Variants in SLC25A13 observed in about 807,000 individuals in gnomAD.
The protein encoded by SLC25A13 is electrogenic aspartate/glutamate antiporter SLC25A13, mitochondrial.
A neutral mutation model predicts 85.5 loss-of-function variants in SLC25A13; 70 were observed. The observed-to-expected ratio is 0.82, with a 90% CI of 0.68 to 1.00. The LOEUF (loss-of-function observed/expected upper bound fraction) is 1.00. Among genes scored for constraint, SLC25A13 ranks in the 50% least tolerant of loss-of-function variants. The pLI is 0.00. For synonymous variants in SLC25A13, 259 were observed against 288.7 expected (o/e 0.90, Z 1.04); for missense variants, 765 against 819.8 (o/e 0.93, Z 0.82).
chr7:96,164,478 C>A (rs149365437), intron 13 of SLC25A13, among the ~76,000 whole-genome samples: 1 of 152,128 alleles, frequency 6.6e-6, no homozygotes, highest in South Asian at 2.1e-4. Flanking sequence ...GGGTTTGTTA[C>A]ACAGCAATAG....
rs1182694291 is a variant in SLC25A13, at chr7:96,280,652, C to A, written c.70-3314G>T. Among the ~76,000 whole-genome samples, 5 of 152,122 alleles carry A rather than the reference C, an allele frequency of 3.3e-5. No homozygotes were observed. The East Asian group carries it at 7.7e-4, about 24-fold the overall frequency. The stretch of plus-strand genomic sequence containing the variant: ...ATCGCTTGAGCACAAAAGATTGAGG[C>A]TGCAGTGAGCCATGTTTGCATCACT... On this transcript the variant is annotated intron_variant, in intron 2 of 17. Transcript: ENST00000265631.
At chr7:96,199,502 ACTAAATGCTG>A (rs1449915498) in intron 5 of SLC25A13, among the ~76,000 whole-genome samples, 3 of 152,218 alleles carry the variant, frequency 2.0e-5, no homozygotes, top group African/African-American at 4.8e-5. Flanking sequence ...ATGGGTGCTT[ACTAAATGCTG>A]CTGCCGAAGA....
intron 14 of SLC25A13, among the ~76,000 whole-genome samples, chr7:96,133,362 C>T (rs903443308): frequency 2.6e-5 from 4 of 152,318 alleles, no homozygotes; most frequent in South Asian, 2.1e-4. Context: ...ATTTTAGGCA[C>T]GTACAAACTA....
chr7:96,209,254 G>A (rs1562844703), intron 4 of SLC25A13, among the ~76,000 whole-genome samples: 1 of 150,996 alleles, frequency 6.6e-6, no homozygotes. Context: ...CAAGTAGAAA[G>A]CTAAAACTAT....
chr7:96,121,793 T>C, intron 16 of SLC25A13, 46 bp downstream of exon 16: 1 of 1,614,008 alleles, frequency 6.2e-7, no homozygotes, highest in South Asian at 1.1e-5. Flanking sequence ...ATTTTAAAAA[T>C]TTACCTGATA....
At chr7:96,131,950 G>C in intron 14 of SLC25A13, 69 bp from the exon 15 acceptor site, 1 of 1,603,234 alleles carries the variant, frequency 6.2e-7, no homozygotes. Context: ...AGCTTCTCTG[G>C]AACTCACCTC....
intron 3 of SLC25A13, among the ~76,000 whole-genome samples, chr7:96,269,439 C>T (rs1274463956): frequency 6.6e-6 from 1 of 152,330 alleles, no homozygotes; most frequent in East Asian, 1.9e-4. Context: ...CAGTTGACAA[C>T]AGGGGTCACT....
chr7:96,190,801 C>T (rs1794819526), intron 7 of SLC25A13, among the ~76,000 whole-genome samples: 1 of 152,058 alleles, frequency 6.6e-6, no homozygotes, highest in African/African-American at 2.4e-5. Flanking sequence ...TTAGTAGAGA[C>T]AGGGTTTCAC....
chr7:96,154,349 T>A (rs906742110), intron 13 of SLC25A13, among the ~76,000 whole-genome samples: 20 of 147,960 alleles, frequency 1.4e-4, no homozygotes, highest in African/African-American at 5.0e-4. Flanking sequence ...CAGGCTGGAG[T>A]GTAGTGACAT....
intron 4 of SLC25A13, among the ~76,000 whole-genome samples, chr7:96,223,614 C>A (rs1796216249): frequency 3.3e-5 from 5 of 151,950 alleles, no homozygotes; most frequent in Admixed American, 3.3e-4. Flanking sequence ...AACGGTGAAA[C>A]CCCATCTCTA....
intron 3 of SLC25A13, among the ~76,000 whole-genome samples, chr7:96,271,064 T>C (rs1395457271): frequency 6.6e-6 from 1 of 152,216 alleles, no homozygotes. Flanking sequence ...TCAAAATTCT[T>C]GATTTAATGA....
chr7:96,307,113 T>A (rs906339031), intron 1 of SLC25A13, among the ~76,000 whole-genome samples: 10 of 148,494 alleles, frequency 6.7e-5, no homozygotes, highest in African/African-American at 2.2e-4. Context: ...CTGTGGGGCT[T>A]AAAAGTATAA....
intron 4 of SLC25A13, among the ~76,000 whole-genome samples, chr7:96,226,292 T>TA: frequency 6.6e-6 from 1 of 152,296 alleles, no homozygotes; most frequent in African/African-American, 2.4e-5. Flanking sequence ...GTGGCTGGCT[T>TA]ATTTCACTCG....
At chr7:96,168,271 T>TG (rs969603540) in intron 13 of SLC25A13, among the ~76,000 whole-genome samples, 46 of 151,790 alleles carry the variant, frequency 3.0e-4, no homozygotes, top group Non-Finnish European at 5.3e-4. Context: ...AAGTAATGAT[T>TG]GGGGGGGAAA....
intron 3 of SLC25A13, among the ~76,000 whole-genome samples, chr7:96,243,768 G>A (rs2116844910): frequency 6.6e-6 from 1 of 152,260 alleles, no homozygotes; most frequent in East Asian, 1.9e-4. Context: ...CCCAAAGCAG[G>A]CCACCCTTGT....
At chr7:96,273,728 G>A (rs189345455) in intron 3 of SLC25A13, among the ~76,000 whole-genome samples, 2 of 152,184 alleles carry the variant, frequency 1.3e-5, no homozygotes, top group East Asian at 3.9e-4. Flanking sequence ...ACTTTTTTGT[G>A]ACTCAGATTT....
chr7:96,145,950 T>C (rs968061869), intron 14 of SLC25A13, among the ~76,000 whole-genome samples: 3 of 152,206 alleles, frequency 2.0e-5, no homozygotes, highest in African/African-American at 4.8e-5. Context: ...AAATTCTTCA[T>C]TGAAAACTTG....
chr7:96,226,427 T>G (rs977170270), intron 4 of SLC25A13, among the ~76,000 whole-genome samples: 13 of 152,176 alleles, frequency 8.5e-5, no homozygotes, highest in African/African-American at 3.1e-4. Context: ...ATTTCCACAT[T>G]TGGCTGTTGC....
intron 14 of SLC25A13, among the ~76,000 whole-genome samples, chr7:96,143,871 C>T (rs1792668443): frequency 6.6e-6 from 1 of 152,126 alleles, no homozygotes. Flanking sequence ...ATGTTAACAA[C>T]AGAAACAAAA....
Sources: allele counts gnomAD v4.1 joint callset (sites outside exome capture counted in the v4.1 genomes callset), GRCh38; gene constraint gnomAD v4.1.1; transcripts MANE v1.5; gene names NCBI Gene and HGNC (gene_info 2026-07-23, HGNC 2026-07-21).